Variants in PTPRG observed in about 807,000 individuals in gnomAD.
PTPRG encodes the protein protein tyrosine phosphatase receptor type G, also known as receptor-type tyrosine-protein phosphatase gamma.
A neutral mutation model predicts 165.3 loss-of-function variants in PTPRG; 102 were observed. That is an observed-to-expected ratio of 0.62 (90% CI 0.53 to 0.73). PTPRG has a LOEUF of 0.73. PTPRG is among the 30% of genes least tolerant of loss of function. The pLI is 0.00. For synonymous variants in PTPRG, 675 were observed against 669.5 expected, an observed-to-expected ratio of 1.01 and a Z score of -0.13; for missense variants, 1,866 against 1,861.4, an observed-to-expected ratio of 1.00 and a Z score of -0.05.
At chr3:61,590,523 CA>C (rs895838825) in intron 1 of PTPRG, among the ~76,000 whole-genome samples, 64 of 144,404 alleles carry the variant, frequency 4.4e-4, no homozygotes, top group African/African-American at 9.1e-4. Flanking sequence ...GACTCCATCT[CA>C]AAAAAAAAAA....
chr3:62,113,595 G>T (rs1271119292), intron 5 of PTPRG, among the ~76,000 whole-genome samples: 1 of 152,104 alleles, frequency 6.6e-6, no homozygotes, highest in Non-Finnish European at 1.5e-5. Context: ...TTTTCTGGTT[G>T]TAAAAATAAT....
intron 2 of PTPRG, among the ~76,000 whole-genome samples, chr3:61,965,580 C>T (rs1299745908): frequency 6.6e-6 from 1 of 151,306 alleles, no homozygotes; most frequent in South Asian, 2.1e-4. Context: ...GAGTGTTCTT[C>T]TAAAGCACTT....
At chr3:61,915,423 T>A (rs1016001693) in intron 2 of PTPRG, among the ~76,000 whole-genome samples, 1 of 152,208 alleles carries the variant, frequency 6.6e-6, no homozygotes, top group Admixed American at 6.5e-5. Context: ...TCTGTTGACT[T>A]CAATATGGCA....
chr3:61,989,794 A>G lies in PTPRG; in HGVS notation c.360A>G (p.Thr120=), dbSNP rs2040841860. The part of the protein sequence containing the change: ...ESSNKTWMKN[T]GKTVAILLKD... Reference sequence around the variant, plus strand: ...CTAACAAAACCTGGATGAAAAACACAGGGAAAACAGGTAGACAATGGCTTC... The same window carrying G: ...CTAACAAAACCTGGATGAAAAACACGGGGAAAACAGGTAGACAATGGCTTC... The change falls in exon 3 of 30, where the codon ACA becomes ACG. Residue 120 remains threonine (T), a synonymous_variant. Transcript: ENST00000474889. The G allele has an allele frequency of 3.1e-6, 5 of 1,613,986 alleles. No individual in the cohort carries two copies. Among genetic ancestry groups the G allele is most frequent in the Non-Finnish European group, 3.4e-6 (4 of 1,179,924 alleles).
At chr3:62,064,564 C>T (rs1700940330) in intron 4 of PTPRG, among the ~76,000 whole-genome samples, 1 of 151,954 alleles carries the variant, frequency 6.6e-6, no homozygotes, top group African/African-American at 2.4e-5. Context: ...TCCCCTGATG[C>T]CATCGATGGT....
chr3:62,281,537 G>GGTTTTTTTTT, intron 26 of PTPRG, 26 bp from the exon 27 acceptor site: 2 of 174,768 alleles, frequency 1.1e-5, no homozygotes, highest in Non-Finnish European at 1.6e-5. Context: ...AACTGCAGAG[G>GGTTTTTTTTT]CTTTTTTTTT....
chr3:62,088,626 C>A (rs147783508), intron 5 of PTPRG, among the ~76,000 whole-genome samples: 1 of 152,344 alleles, frequency 6.6e-6, no homozygotes, highest in African/African-American at 2.4e-5. Flanking sequence ...ATTTTTGAAA[C>A]AAGCACCAAT....
intron 4 of PTPRG, among the ~76,000 whole-genome samples, chr3:62,024,175 T>C (rs1392386245): frequency 6.6e-6 from 1 of 152,172 alleles, no homozygotes; most frequent in African/African-American, 2.4e-5. Flanking sequence ...TTATGGAATG[T>C]CTAAATCAAG....
intron 1 of PTPRG, among the ~76,000 whole-genome samples, chr3:61,641,169 A>C (rs1380074095): frequency 1.3e-5 from 2 of 152,024 alleles, no homozygotes; most frequent in African/African-American, 4.8e-5. Flanking sequence ...GAAACAAATA[A>C]AATTCCTACC....
At chr3:61,930,040 ATT>A (rs11437496) in intron 2 of PTPRG, among the ~76,000 whole-genome samples, 37 of 137,014 alleles carry the variant, frequency 2.7e-4, no homozygotes, top group Non-Finnish European at 2.9e-4. Context: ...ATAATGCGGT[ATT>A]TTTTTTTTTT....
intron 2 of PTPRG, among the ~76,000 whole-genome samples, chr3:61,904,834 T>A (rs1166408335): frequency 1.3e-5 from 2 of 152,170 alleles, no homozygotes; most frequent in South Asian, 4.1e-4. Flanking sequence ...AATTTTACCC[T>A]GGGTTTTCAT....
intron 4 of PTPRG, among the ~76,000 whole-genome samples, chr3:62,007,958 G>C (rs1356199623): frequency 1.3e-5 from 2 of 152,214 alleles, no homozygotes; most frequent in African/African-American, 2.4e-5. Context: ...AGACTTTGCA[G>C]ATGTGATTAA....
intron 14 of PTPRG, chr3:62,243,541 G>A (rs1045169153): frequency 1.1e-5 from 3 of 273,796 alleles, no homozygotes; most frequent in Admixed American, 5.2e-5. Flanking sequence ...ATGTTTTCAC[G>A]TATTTGAGTA....
intron 13 of PTPRG, among the ~76,000 whole-genome samples, chr3:62,230,625 A>G (rs1200612706): frequency 6.6e-6 from 1 of 152,234 alleles, no homozygotes; most frequent in Non-Finnish European, 1.5e-5. Flanking sequence ...AACTAAATAT[A>G]GGACTTAATA....
intron 3 of PTPRG, 138 bp from the exon 4 acceptor site, chr3:62,003,211 T>A: frequency 1.0e-6 from 1 of 985,280 alleles, no homozygotes; most frequent in Non-Finnish European, 1.5e-6. Flanking sequence ...GGCGGGTGTG[T>A]TCAACATATT....
At chr3:62,257,475 A>C (rs1701564458) in intron 16 of PTPRG, among the ~76,000 whole-genome samples, 1 of 152,202 alleles carries the variant, frequency 6.6e-6, no homozygotes, top group Admixed American at 6.5e-5. Context: ...AGCACTGTGC[A>C]TGGATCATTC....
chr3:61,885,023 A>G (rs2037989699), intron 2 of PTPRG, among the ~76,000 whole-genome samples: 1 of 152,154 alleles, frequency 6.6e-6, no homozygotes. Context: ...TTTGGTAAAT[A>G]ATCTTGATGT....
At chr3:62,191,376 C>T (rs1488204281) in intron 8 of PTPRG, 93 bp from the exon 9 acceptor site, 13 of 1,214,632 alleles carry the variant, frequency 1.1e-5, no homozygotes, top group East Asian at 2.5e-5. Flanking sequence ...CTGTATTACT[C>T]TTTCAACTTT....
At chr3:61,602,434 C>G (rs570337702) in intron 1 of PTPRG, among the ~76,000 whole-genome samples, 8 of 152,242 alleles carry the variant, frequency 5.3e-5, no homozygotes, top group African/African-American at 1.7e-4. Flanking sequence ...ACCTCACACA[C>G]GTGGGCTTCT....
Sources: gnomAD v4.1 joint callset for allele counts (sites outside exome capture counted in the v4.1 genomes callset) on GRCh38, gnomAD v4.1.1 for gene constraint, MANE v1.5 for transcripts, NCBI Gene and HGNC (gene_info 2026-07-23, HGNC 2026-07-21) for gene names.